The following RBFOX1 variants were observed in gnomAD, a reference collection of about 807,000 sequenced individuals.
The protein encoded by RBFOX1 is RNA binding fox-1 homolog 1.
RBFOX1 carries 8 observed loss-of-function variants against 57.7 expected under a neutral mutation model. The observed-to-expected ratio is 0.14, with a 90% CI of 0.08 to 0.25. RBFOX1 has a LOEUF of 0.25. Among genes scored for constraint, RBFOX1 ranks in the 10% least tolerant of loss-of-function variants. The pLI, the probability that RBFOX1 is intolerant of heterozygous loss-of-function variation, is 1.00. For synonymous variants in RBFOX1, 326 were observed against 222.4 expected (o/e 1.47, Z -4.15); for missense variants, 611 against 548.5 (o/e 1.11, Z -1.14).
At chr16:7,632,906 T>A (rs1468756399) in intron 11 of RBFOX1, among the ~76,000 whole-genome samples, 2 of 152,026 alleles carry the variant, frequency 1.3e-5, no homozygotes, top group Admixed American at 6.6e-5. Flanking sequence ...AACAATCAAC[T>A]CCAAAAGTGT....
At chr16:5,474,418 C>T (rs1474648073) in intron 2 of RBFOX1, among the ~76,000 whole-genome samples, 4 of 152,178 alleles carry the variant, frequency 2.6e-5, no homozygotes, top group Non-Finnish European at 5.9e-5. Context: ...CTTTGGGAGG[C>T]CGAGGTGGGC....
At chr16:7,271,275 G>C (rs1012809074) in intron 4 of RBFOX1, among the ~76,000 whole-genome samples, 7 of 151,648 alleles carry the variant, frequency 4.6e-5, no homozygotes, top group Admixed American at 1.3e-4. Context: ...TTTTGTATGT[G>C]AGAACATTCA....
intron 4 of RBFOX1, among the ~76,000 whole-genome samples, chr16:5,877,610 A>C (rs1195545966): frequency 6.6e-6 from 1 of 152,230 alleles, no homozygotes. Flanking sequence ...GTGGTGTTAA[A>C]CAGCAGCTTT....
intron 2 of RBFOX1, among the ~76,000 whole-genome samples, chr16:6,372,939 T>A (rs1160772078): frequency 1.1e-5 from 1 of 88,414 alleles, no homozygotes; most frequent in Non-Finnish European, 2.7e-5. Flanking sequence ...GTAGGAGGAT[T>A]GTTGTGTAGA....
chr16:7,157,565 C>T lies in RBFOX1; in HGVS notation c.27+105467C>T, dbSNP rs74009266. ...CCATGGGGCTTTGCATAGCTTAAGT[C>T]CAGGCACGTGAAAATATCCGAATAG... On this transcript the variant is annotated intron_variant, in intron 4 of 15. Transcript: ENST00000550418. 1.3e-4 allele frequency among the ~76,000 whole-genome samples: 19 copies of T among 151,748 alleles called. 1 individual carries two copies. Among genetic ancestry groups the T allele is most frequent in the African/African-American group, 4.6e-4 (19 of 41,252 alleles).
At chr16:7,311,235 C>T (rs1381327085) in intron 4 of RBFOX1, among the ~76,000 whole-genome samples, 1 of 152,186 alleles carries the variant, frequency 6.6e-6, no homozygotes, top group Admixed American at 6.5e-5. Context: ...AGCTGAAGAG[C>T]AGTCCTACCC....
chr16:6,957,466 C>T (rs1035552775), intron 3 of RBFOX1, among the ~76,000 whole-genome samples: 2 of 152,076 alleles, frequency 1.3e-5, no homozygotes, highest in African/African-American at 4.8e-5. Flanking sequence ...GCTTGTTAGA[C>T]CATATAGGGT....
At chr16:7,006,249 G>C (rs1420840294) in intron 3 of RBFOX1, among the ~76,000 whole-genome samples, 1 of 152,070 alleles carries the variant, frequency 6.6e-6, no homozygotes, top group African/African-American at 2.4e-5. Context: ...CTGCCTCCGA[G>C]GTCCAAGCGA....
At chr16:6,712,082 C>T (rs1273759430) in intron 3 of RBFOX1, among the ~76,000 whole-genome samples, 2 of 152,154 alleles carry the variant, frequency 1.3e-5, no homozygotes, top group African/African-American at 4.8e-5. Flanking sequence ...GTGTTACATT[C>T]CTCTACCTAG....
In RBFOX1 at chr16:6,133,208, C is replaced by T. The variant is rs537278504; in HGVS notation, c.-127+113216C>T. Reference sequence around the variant, plus strand: ...AGACAGGCCATTATATCAATTGCTACATCTAGCATCTCCTGTGCTGACAAA... The same window carrying T: ...AGACAGGCCATTATATCAATTGCTATATCTAGCATCTCCTGTGCTGACAAA... On this transcript the variant is annotated intron_variant, in intron 1 of 15. Transcript: ENST00000550418. Among the ~76,000 whole-genome samples, 4 of 152,258 alleles carry T rather than the reference C, an allele frequency of 2.6e-5. No homozygotes were observed. The East Asian group carries it at 5.8e-4, about 22-fold the overall frequency.
intron 3 of RBFOX1, among the ~76,000 whole-genome samples, chr16:5,866,941 A>T (rs1185064383): frequency 6.6e-6 from 1 of 152,216 alleles, no homozygotes; most frequent in Non-Finnish European, 1.5e-5. Flanking sequence ...AAGGAAAAAA[A>T]CACATTAAAA....
At chr16:6,602,851 C>A (rs751462239) in intron 2 of RBFOX1, among the ~76,000 whole-genome samples, 1 of 152,150 alleles carries the variant, frequency 6.6e-6, no homozygotes, top group African/African-American at 2.4e-5. Flanking sequence ...CACACCCCCA[C>A]CATCACATGC....
intron 2 of RBFOX1, among the ~76,000 whole-genome samples, chr16:6,643,967 A>G (rs1266250257): frequency 6.6e-6 from 1 of 152,026 alleles, no homozygotes; most frequent in Non-Finnish European, 1.5e-5. Context: ...CTGTACTAAA[A>G]ATAAAAAAAA....
chr16:7,288,073 G>C (rs891406259), intron 4 of RBFOX1, among the ~76,000 whole-genome samples: 2 of 152,112 alleles, frequency 1.3e-5, no homozygotes, highest in African/African-American at 4.8e-5. Context: ...GTCTCCTTTA[G>C]ATGCTGGATC....
chr16:6,908,382 C>A (rs1437034396), intron 3 of RBFOX1, among the ~76,000 whole-genome samples: 2 of 152,090 alleles, frequency 1.3e-5, no homozygotes, highest in African/African-American at 4.8e-5. Flanking sequence ...GTGTGTCTGT[C>A]TGCCTGCCTT....
intron 3 of RBFOX1, among the ~76,000 whole-genome samples, chr16:6,968,636 C>T (rs986151494): frequency 7.2e-5 from 11 of 152,172 alleles, no homozygotes; most frequent in Non-Finnish European, 1.3e-4. Flanking sequence ...ATTTACACAA[C>T]GTGCCACCAT....
intron 4 of RBFOX1, among the ~76,000 whole-genome samples, chr16:7,137,997 A>G (rs1479246969): frequency 1.3e-5 from 2 of 152,152 alleles, no homozygotes; most frequent in Non-Finnish European, 2.9e-5. Flanking sequence ...GCACGTAGAG[A>G]GAGGTTAGGT....
At chr16:5,768,023 C>T (rs1453043862) in intron 3 of RBFOX1, among the ~76,000 whole-genome samples, 2 of 152,158 alleles carry the variant, frequency 1.3e-5, no homozygotes, top group Non-Finnish European at 2.9e-5. Context: ...ATGTATAGCT[C>T]ACCCAGCTAT....
intron 1 of RBFOX1, among the ~76,000 whole-genome samples, chr16:6,164,469 ATT>A (rs35070328): frequency 4.4e-5 from 6 of 137,624 alleles, no homozygotes; most frequent in Admixed American, 7.5e-5. Context: ...TGTTATATTG[ATT>A]TTTTTTTTTT....
Sources: gnomAD v4.1 joint callset for allele counts (sites outside exome capture counted in the v4.1 genomes callset) on GRCh38, gnomAD v4.1.1 for gene constraint, MANE v1.5 for transcripts, NCBI Gene and HGNC (gene_info 2026-07-23, HGNC 2026-07-21) for gene names.